Variants in MBNL2 observed in about 807,000 individuals in gnomAD.
MBNL2 encodes muscleblind like splicing regulator 2.
Under a neutral mutation model 41.9 loss-of-function variants are expected in MBNL2, and 17 were observed. The ratio of observed to expected loss-of-function variants is 0.41; its 90% CI spans 0.28 to 0.61. The LOEUF (loss-of-function observed/expected upper bound fraction) is 0.61, where lower values mean the gene tolerates loss of function less well. MBNL2 is among the 20% of genes least tolerant of loss of function. The pLI is 0.35. For synonymous variants in MBNL2, 195 were observed against 182.9 expected (o/e 1.07, Z -0.53); for missense variants, 336 against 505.6 (o/e 0.66, Z 3.22).
At chr13:97,354,416 G>A (rs1027875738) in intron 5 of MBNL2, among the ~76,000 whole-genome samples, 1 of 152,100 alleles carries the variant, frequency 6.6e-6, no homozygotes, top group African/African-American at 2.4e-5. Flanking sequence ...TTCACAATGC[G>A]AGATGAACAA....
At chr13:97,296,413 T>C (rs1305194382) in intron 2 of MBNL2, among the ~76,000 whole-genome samples, 1 of 152,200 alleles carries the variant, frequency 6.6e-6, no homozygotes. Flanking sequence ...AAGATTCATG[T>C]CTTTGAGTAT....
intron 2 of MBNL2, among the ~76,000 whole-genome samples, chr13:97,287,199 A>G (rs748196394): frequency 2.0e-5 from 3 of 152,188 alleles, no homozygotes; most frequent in Non-Finnish European, 4.4e-5. Context: ...AGCAGGTCAC[A>G]TGGAGACTTG....
intron 1 of MBNL2, among the ~76,000 whole-genome samples, chr13:97,265,330 G>C (rs1366501795): frequency 6.6e-6 from 1 of 152,186 alleles, no homozygotes; most frequent in Non-Finnish European, 1.5e-5. Flanking sequence ...GCTTATCTGA[G>C]TCATTGAATG....
At chr13:97,371,406 T>C (rs2064362025) in intron 8 of MBNL2, among the ~76,000 whole-genome samples, 1 of 152,004 alleles carries the variant, frequency 6.6e-6, no homozygotes, top group Non-Finnish European at 1.5e-5. Context: ...CATCATTAAA[T>C]AGAAAGAAAG....
At chr13:97,262,796 G>T (rs1017529711) in intron 1 of MBNL2, among the ~76,000 whole-genome samples, 2 of 151,194 alleles carry the variant, frequency 1.3e-5, no homozygotes, top group African/African-American at 4.9e-5. Context: ...ACAGAATCTC[G>T]CTCTGTCCCC....
chr13:97,387,659 A>G (rs2153169267), intron 8 of MBNL2, among the ~76,000 whole-genome samples: 1 of 152,274 alleles, frequency 6.6e-6, no homozygotes, highest in Admixed American at 6.5e-5. Flanking sequence ...GGATGCCTTC[A>G]CCAATGAGCA....
In MBNL2 at chr13:97,243,665, C is replaced by T. The variant is rs555962838; in HGVS notation, c.-605+21134C>T. 4.6e-5 allele frequency among the ~76,000 whole-genome samples: 7 copies of T among 152,324 alleles called. No homozygotes were observed. In the East Asian group the frequency reaches 7.7e-4, roughly 17 times the overall value. On this transcript the variant is annotated intron_variant, in intron 1 of 8. Coordinates refer to ENST00000679496, the MANE Select transcript of MBNL2 (RefSeq NM_001382683.1). ...ATCAAGTTGCATCTATAAGCTAAAA[C>T]TAATAGACAATTGAGCATTTAACAG...
At chr13:97,349,567 A>G (rs1382562575) in intron 5 of MBNL2, among the ~76,000 whole-genome samples, 1 of 152,104 alleles carries the variant, frequency 6.6e-6, no homozygotes, top group Non-Finnish European at 1.5e-5. Flanking sequence ...TCTGTCAGTC[A>G]CCCAGGTTGG....
the MBNL2 span, among the ~76,000 whole-genome samples, chr13:97,207,106 C>T: frequency 6.6e-6 from 1 of 152,140 alleles, no homozygotes; most frequent in South Asian, 2.1e-4. Flanking sequence ...AAGCTCAACT[C>T]ATTATACAGC....
intron 5 of MBNL2, among the ~76,000 whole-genome samples, chr13:97,353,267 G>A (rs559206956): frequency 2.6e-5 from 4 of 152,188 alleles, no homozygotes; most frequent in Non-Finnish European, 5.9e-5. Flanking sequence ...ACAATGACAT[G>A]AAAATTACTG....
At chr13:97,193,259 C>T in the MBNL2 span, among the ~76,000 whole-genome samples, 2 of 152,248 alleles carry the variant, frequency 1.3e-5, no homozygotes, top group South Asian at 2.1e-4. Context: ...CCATCCTAGA[C>T]ATTCCAGCCT....
At chr13:97,266,255 A>G (rs1340532884) in intron 1 of MBNL2, among the ~76,000 whole-genome samples, 1 of 152,180 alleles carries the variant, frequency 6.6e-6, no homozygotes, top group Non-Finnish European at 1.5e-5. Flanking sequence ...AAAAATAAAT[A>G]AATAAATTAA....
intron 1 of MBNL2, among the ~76,000 whole-genome samples, chr13:97,234,175 A>C (rs565630596): frequency 1.3e-5 from 2 of 152,138 alleles, no homozygotes; most frequent in Non-Finnish European, 2.9e-5. Flanking sequence ...ATTCTTCCTC[A>C]TGCTGAAATG....
intron 8 of MBNL2, among the ~76,000 whole-genome samples, chr13:97,368,175 C>T (rs538021999): frequency 1.3e-5 from 2 of 152,068 alleles, no homozygotes; most frequent in African/African-American, 2.4e-5. Context: ...TTTGGGAAGC[C>T]GAGGGAGGAG....
At chr13:97,199,779 T>C in the MBNL2 span, among the ~76,000 whole-genome samples, 2 of 152,234 alleles carry the variant, frequency 1.3e-5, no homozygotes, top group African/African-American at 2.4e-5. Context: ...TGGTGTCTCC[T>C]TAATTTGGCC....
At chr13:97,391,043 C>T (rs1202336752) in intron 8 of MBNL2, among the ~76,000 whole-genome samples, 1 of 152,052 alleles carries the variant, frequency 6.6e-6, no homozygotes. Flanking sequence ...AAATTGTGGT[C>T]TAAACATGCA....
At chr13:97,357,884 C>A (rs2063114721) in intron 7 of MBNL2, 2 of 545,052 alleles carry the variant, frequency 3.7e-6, no homozygotes, top group Non-Finnish European at 6.6e-6. Context: ...GCAGTTAGGG[C>A]TTTTGGTTTC....
chr13:97,290,773 T>C (rs953359069), intron 2 of MBNL2, among the ~76,000 whole-genome samples: 7 of 151,252 alleles, frequency 4.6e-5, no homozygotes, highest in Non-Finnish European at 1.0e-4. Flanking sequence ...AGAAAGGAAA[T>C]GGAGCAAGGT....
chr13:97,294,444 G>C (rs2056705241), intron 2 of MBNL2, among the ~76,000 whole-genome samples: 1 of 152,226 alleles, frequency 6.6e-6, no homozygotes, highest in Admixed American at 6.5e-5. Flanking sequence ...GGAAGTGTTA[G>C]CTGCAAGAAC....
Sources: gnomAD v4.1 joint callset for allele counts (sites outside exome capture counted in the v4.1 genomes callset) on GRCh38, gnomAD v4.1.1 for gene constraint, MANE v1.5 for transcripts, NCBI Gene and HGNC (gene_info 2026-07-23, HGNC 2026-07-21) for gene names.